The following FGD4 variants were observed in gnomAD, a reference collection of about 807,000 sequenced individuals.
FGD4 encodes FYVE, RhoGEF and PH domain containing 4.
Under a neutral mutation model 102.0 loss-of-function variants are expected in FGD4, and 42 were observed. The observed-to-expected ratio is 0.41, with a 90% CI of 0.32 to 0.53. The LOEUF is 0.53. FGD4 is among the 20% of genes least tolerant of loss of function. The pLI, the probability that FGD4 is intolerant of heterozygous loss-of-function variation, is 0.21. For synonymous variants in FGD4, 380 were observed against 375.7 expected (o/e 1.01, Z -0.13); for missense variants, 902 against 1,078.2 (o/e 0.84, Z 2.29).
At chr12:32,608,688 G>C (rs556351598) in intron 8 of FGD4, among the ~76,000 whole-genome samples, 2 of 152,040 alleles carry the variant, frequency 1.3e-5, no homozygotes, top group Admixed American at 1.3e-4. Context: ...ACCTTTTTCT[G>C]CACTTTTACA....
At chr12:32,416,509 A>G (rs975097857) in intron 1 of FGD4, among the ~76,000 whole-genome samples, 2 of 151,988 alleles carry the variant, frequency 1.3e-5, no homozygotes, top group African/African-American at 4.8e-5. Context: ...TGTCCATTGT[A>G]CGTTGGACAT....
intron 1 of FGD4, among the ~76,000 whole-genome samples, chr12:32,561,087 T>TG (rs1944534075): frequency 8.2e-6 from 1 of 121,826 alleles, no homozygotes; most frequent in Admixed American, 7.8e-5. Flanking sequence ...TTTTTTTTTT[T>TG]TTTTTTTTTT....
At chr12:32,535,344 C>T (rs1296371184) in intron 1 of FGD4, among the ~76,000 whole-genome samples, 2 of 152,194 alleles carry the variant, frequency 1.3e-5, no homozygotes, top group Non-Finnish European at 2.9e-5. Flanking sequence ...TGGTGTGGCT[C>T]TTTCCTTCCT....
intron 3 of FGD4, among the ~76,000 whole-genome samples, chr12:32,581,089 T>A (rs147352208): frequency 5.9e-5 from 9 of 152,288 alleles, no homozygotes; most frequent in African/African-American, 2.2e-4. Flanking sequence ...GGAGATGTGA[T>A]ACCTGAACAG....
chr12:32,423,638 G>A (rs1275183127), intron 1 of FGD4, among the ~76,000 whole-genome samples: 1 of 150,942 alleles, frequency 6.6e-6, no homozygotes, highest in East Asian at 1.9e-4. Flanking sequence ...TAAATAAAAG[G>A]CTGGCTACTC....
At chr12:32,445,308 A>G (rs1227877577) in intron 1 of FGD4, among the ~76,000 whole-genome samples, 2 of 152,210 alleles carry the variant, frequency 1.3e-5, no homozygotes, top group African/African-American at 2.4e-5. Context: ...AAATTTTTAT[A>G]TGTTTAATAT....
At chr12:32,607,528 T>TTGTTGTTG (rs1555216677) in intron 7 of FGD4, among the ~76,000 whole-genome samples, 1 of 150,580 alleles carries the variant, frequency 6.6e-6, no homozygotes, top group African/African-American at 2.5e-5. Flanking sequence ...TGTTGTTGTT[T>TTGTTGTTG]TTTTTGAGAC....
intron 1 of FGD4, among the ~76,000 whole-genome samples, chr12:32,550,684 A>G (rs201692932): frequency 0.059 from 8,764 of 149,616 alleles, 356 homozygotes; most frequent in South Asian, 0.14. Context: ...AAAAAAAAAA[A>G]AAAAAAAGAA....
intron 10 of FGD4, among the ~76,000 whole-genome samples, chr12:32,613,774 T>C (rs1357638143): frequency 6.6e-6 from 1 of 151,360 alleles, no homozygotes. Flanking sequence ...CTCAGAAAAA[T>C]AAATAAATAA....
chr12:32,579,862 C>T (rs1047526899), intron 3 of FGD4, among the ~76,000 whole-genome samples: 1 of 152,078 alleles, frequency 6.6e-6, no homozygotes, highest in African/African-American at 2.4e-5. Flanking sequence ...CTTTTTTCCT[C>T]CCTCATCACT....
rs545990200 is a variant in FGD4, at chr12:32,432,595, C to T, written c.166+32636C>T. 3.0e-3 allele frequency among the ~76,000 whole-genome samples: 363 copies of T among 120,936 alleles called. 4 individuals carry two copies. The highest frequency in any genetic ancestry group is 0.013 in the African/African-American group (350 of 26,858). 79.3% of individuals were successfully genotyped at this position (120,936 alleles called of 152,430 possible). ...CTCCAGCCTGGGTGACAGAGCAAGA[C>T]TCCATCTCAAAAAAAAAAAAAAAGG... On this transcript the variant is annotated intron_variant, in intron 1 of 16. Transcript: ENST00000534526.
intron 1 of FGD4, among the ~76,000 whole-genome samples, chr12:32,434,803 A>T (rs2136443035): frequency 6.6e-6 from 1 of 152,346 alleles, no homozygotes; most frequent in East Asian, 1.9e-4. Flanking sequence ...GAGGCACCAT[A>T]TGATGTTTTG....
intron 1 of FGD4, among the ~76,000 whole-genome samples, chr12:32,526,893 C>A (rs998443908): frequency 6.6e-6 from 1 of 152,176 alleles, no homozygotes; most frequent in Non-Finnish European, 1.5e-5. Context: ...AAGAACCCAC[C>A]AATTCCGAAC....
At chr12:32,570,111 C>T (rs1033220308) in intron 2 of FGD4, among the ~76,000 whole-genome samples, 1 of 151,812 alleles carries the variant, frequency 6.6e-6, no homozygotes, top group African/African-American at 2.4e-5. Context: ...GTGGGTGGTG[C>T]GTACCTGTAA....
chr12:32,463,326 T>C (rs552605018), intron 1 of FGD4, among the ~76,000 whole-genome samples: 2 of 152,342 alleles, frequency 1.3e-5, no homozygotes, highest in South Asian at 4.1e-4. Flanking sequence ...GGATTTCATA[T>C]TGAAGATCTT....
At chr12:32,436,753 G>A (rs1344058629) in intron 1 of FGD4, among the ~76,000 whole-genome samples, 2 of 152,134 alleles carry the variant, frequency 1.3e-5, no homozygotes, top group African/African-American at 4.8e-5. Flanking sequence ...AGCTTGGTGT[G>A]TTGGAAATTC....
intron 1 of FGD4, among the ~76,000 whole-genome samples, chr12:32,437,515 G>T (rs1474347544): frequency 6.6e-6 from 1 of 152,228 alleles, no homozygotes; most frequent in African/African-American, 2.4e-5. Context: ...GTTTGATAAA[G>T]CTCATGTAGC....
At chr12:32,441,573 C>A (rs1942436154) in intron 1 of FGD4, among the ~76,000 whole-genome samples, 1 of 151,692 alleles carries the variant, frequency 6.6e-6, no homozygotes, top group African/African-American at 2.4e-5. Flanking sequence ...CCTCCTCAAG[C>A]AGAAGAAAGG....
chr12:32,421,465 C>T lies in FGD4; in HGVS notation c.166+21506C>T, dbSNP rs557699162. 1.1e-3 allele frequency among the ~76,000 whole-genome samples: 163 copies of T among 152,300 alleles called. 1 individual carries two copies. The highest frequency in any genetic ancestry group is 3.4e-3 in the African/African-American group (140 of 41,568). On this transcript the variant is annotated intron_variant, in intron 1 of 16. Coordinates refer to ENST00000534526, the MANE Select transcript of FGD4 (RefSeq NM_001370298.3). ...CGTAGGGCCTTATTTCAAGAGCATGCTGGTCTGTAGGATCTGGCTGCTCCT... is the reference window on the plus strand; with the variant it reads ...CGTAGGGCCTTATTTCAAGAGCATGTTGGTCTGTAGGATCTGGCTGCTCCT...
Sources: allele counts gnomAD v4.1 joint callset (sites outside exome capture counted in the v4.1 genomes callset), GRCh38; gene constraint gnomAD v4.1.1; transcripts MANE v1.5; gene names NCBI Gene and HGNC (gene_info 2026-07-23, HGNC 2026-07-21).